Variants in ERBB4 observed in about 807,000 individuals in gnomAD.
ERBB4 encodes the protein erb-b2 receptor tyrosine kinase 4, also known as receptor tyrosine-protein kinase erbB-4.
Under a neutral mutation model 158.0 loss-of-function variants are expected in ERBB4, and 42 were observed. That is an observed-to-expected ratio of 0.27 (90% confidence interval 0.21 to 0.34). ERBB4 has a LOEUF of 0.34. Among genes scored for constraint, ERBB4 ranks in the 10% least tolerant of loss-of-function variants. ERBB4 has a pLI of 1.00. For synonymous variants in ERBB4, 583 were observed against 558.7 expected (o/e 1.04, Z -0.61); for missense variants, 1,333 against 1,624.1 (o/e 0.82, Z 3.08).
intron 1 of ERBB4, among the ~76,000 whole-genome samples, chr2:212,474,971 T>C (rs920033421): frequency 2.0e-5 from 3 of 151,794 alleles, no homozygotes; most frequent in Non-Finnish European, 2.9e-5. Context: ...CTCAAACTCC[T>C]GGCCTTAAAA....
At chr2:211,468,222 A>C (rs532377433) in intron 20 of ERBB4, among the ~76,000 whole-genome samples, 1 of 152,192 alleles carries the variant, frequency 6.6e-6, no homozygotes, top group Non-Finnish European at 1.5e-5. Flanking sequence ...GAACAACTAC[A>C]TGCAGGCAAG....
intron 19 of ERBB4, among the ~76,000 whole-genome samples, chr2:211,610,679 C>T (rs182386141): frequency 2.0e-5 from 3 of 152,286 alleles, no homozygotes; most frequent in Non-Finnish European, 2.9e-5. Flanking sequence ...AACACATCCT[C>T]TAGTCATGTA....
intron 3 of ERBB4, among the ~76,000 whole-genome samples, chr2:211,905,735 C>G (rs1205244079): frequency 1.8e-5 from 1 of 55,994 alleles, no homozygotes. Context: ...TATGTGTGTG[C>G]ATGTGTGTGT....
intron 1 of ERBB4, among the ~76,000 whole-genome samples, chr2:212,399,184 C>T (rs1348414950): frequency 6.6e-6 from 1 of 152,004 alleles, no homozygotes; most frequent in African/African-American, 2.4e-5. Flanking sequence ...CTCAAATGAT[C>T]TGCCCACCTT....
chr2:212,243,459 A>G (rs1313076362), intron 1 of ERBB4, among the ~76,000 whole-genome samples: 1 of 152,200 alleles, frequency 6.6e-6, no homozygotes, highest in Non-Finnish European at 1.5e-5. Context: ...AGAAAAGCCT[A>G]TCATATCTGT....
Position 212,306,569 on chromosome 2 carries a change from C to A in ERBB4, c.83-181666G>T, listed in dbSNP as rs528542766. ...GTCATGTTAATAGTGAAATAAATTG[C>A]TCTAATTGCCAGAAAACTTCATCAA... On this transcript the variant is annotated intron_variant, in intron 1 of 27. Coordinates refer to ENST00000342788, the MANE Select transcript of ERBB4 (RefSeq NM_005235.3). Among the ~76,000 whole-genome samples the A allele has an allele frequency of 4.6e-5, 7 of 151,328 alleles. 1 individual carries two copies. Among genetic ancestry groups the A allele is most frequent in the Admixed American group, 4.6e-4 (7 of 15,144 alleles).
At chr2:211,781,272 A>G (rs1331723425) in intron 4 of ERBB4, among the ~76,000 whole-genome samples, 2 of 152,226 alleles carry the variant, frequency 1.3e-5, no homozygotes, top group African/African-American at 4.8e-5. Flanking sequence ...TGTAAAAGTC[A>G]CTGAAAAAAA....
At chr2:212,467,594 G>C (rs752918356) in intron 1 of ERBB4, among the ~76,000 whole-genome samples, 9 of 152,234 alleles carry the variant, frequency 5.9e-5, no homozygotes, top group Non-Finnish European at 1.2e-4. Flanking sequence ...CCTCTGCCTA[G>C]ATTTCAGAAG....
chr2:211,871,678 T>G (rs1474111579), intron 3 of ERBB4, among the ~76,000 whole-genome samples: 1 of 152,076 alleles, frequency 6.6e-6, no homozygotes, highest in East Asian at 1.9e-4. Context: ...ATAAAGAAAA[T>G]CTAATTGAAG....
intron 3 of ERBB4, among the ~76,000 whole-genome samples, chr2:211,813,210 G>A (rs978601109): frequency 6.6e-6 from 1 of 152,140 alleles, no homozygotes; most frequent in African/African-American, 2.4e-5. Flanking sequence ...TTAACTATGT[G>A]AATGTAATAT....
chr2:211,554,591 T>G (rs2067188832), intron 20 of ERBB4, among the ~76,000 whole-genome samples: 1 of 152,234 alleles, frequency 6.6e-6, no homozygotes, highest in South Asian at 2.1e-4. Context: ...CCACAGGTAC[T>G]GTCTGCCTGT....
chr2:212,054,835 C>T (rs115026833), intron 2 of ERBB4, among the ~76,000 whole-genome samples: 39 of 152,184 alleles, frequency 2.6e-4, no homozygotes, highest in Non-Finnish European at 4.4e-4. Flanking sequence ...CCAAGATGGC[C>T]GAATAGGAAC....
chr2:211,760,863 T>C (rs1368832612), intron 4 of ERBB4, among the ~76,000 whole-genome samples: 17 of 152,178 alleles, frequency 1.1e-4, no homozygotes, highest in Admixed American at 1.1e-3. Flanking sequence ...CTTATTTAAT[T>C]TTCACAACAA....
chr2:212,174,867 G>A (rs2081614057), intron 1 of ERBB4, among the ~76,000 whole-genome samples: 1 of 151,914 alleles, frequency 6.6e-6, no homozygotes, highest in Admixed American at 6.6e-5. Context: ...AAAAATCATG[G>A]CATTGCATAC....
chr2:212,181,292 G>C (rs2081854059), intron 1 of ERBB4, among the ~76,000 whole-genome samples: 1 of 151,598 alleles, frequency 6.6e-6, no homozygotes, highest in Admixed American at 6.6e-5. Context: ...AGCCATCACA[G>C]AGATTTTTTG....
chr2:211,906,529 A>G (rs112946278), intron 3 of ERBB4, among the ~76,000 whole-genome samples: 2 of 147,618 alleles, frequency 1.4e-5, no homozygotes, highest in Non-Finnish European at 3.0e-5. Flanking sequence ...ATAAATATTG[A>G]TATCTATGAT....
intron 20 of ERBB4, among the ~76,000 whole-genome samples, chr2:211,438,489 G>A (rs2063904688): frequency 6.6e-6 from 1 of 152,128 alleles, no homozygotes. Context: ...TTAAATGGGG[G>A]TAATAATAGT....
intron 2 of ERBB4, among the ~76,000 whole-genome samples, chr2:212,122,176 T>C (rs1010485430): frequency 6.6e-6 from 1 of 151,866 alleles, no homozygotes. Context: ...AATATGCCTA[T>C]ATATACACAC....
chr2:212,052,463 C>G (rs963740412), intron 2 of ERBB4, among the ~76,000 whole-genome samples: 2 of 152,192 alleles, frequency 1.3e-5, no homozygotes, highest in Non-Finnish European at 2.9e-5. Flanking sequence ...ATATACACAT[C>G]TATCCTACTA....
Sources: gnomAD v4.1 joint callset for allele counts (sites outside exome capture counted in the v4.1 genomes callset) on GRCh38, gnomAD v4.1.1 for gene constraint, MANE v1.5 for transcripts, NCBI Gene and HGNC (gene_info 2026-07-23, HGNC 2026-07-21) for gene names.